Variants in OSMR observed in about 807,000 individuals in gnomAD.
OSMR encodes the protein oncostatin M receptor.
OSMR carries 81 observed loss-of-function variants against 99.9 expected under a neutral mutation model. That is an observed-to-expected ratio of 0.81 (90% CI 0.68 to 0.97). The LOEUF is 0.97. Ranked by LOEUF, OSMR falls within the 50% of genes least tolerant of loss-of-function variation. The probability of loss-of-function intolerance (pLI) is 0.00; values close to 1 mark genes in which losing one functional copy is unlikely to be tolerated. For synonymous variants in OSMR, 406 were observed against 410.4 expected (o/e 0.99, Z 0.13); for missense variants, 1,099 against 1,153.4 (o/e 0.95, Z 0.68).
At chr5:38,878,358 G>A (rs1200865159) in intron 3 of OSMR, among the ~76,000 whole-genome samples, 2 of 152,060 alleles carry the variant, frequency 1.3e-5, no homozygotes, top group Non-Finnish European at 2.9e-5. Flanking sequence ...GGGGCTGGGG[G>A]GAAGCTTCTG....
At chr5:38,870,786 T>C (rs1742327392) in intron 2 of OSMR, among the ~76,000 whole-genome samples, 1 of 152,198 alleles carries the variant, frequency 6.6e-6, no homozygotes, top group Admixed American at 6.5e-5. Context: ...GTGCCTTATC[T>C]ACTGGTTAGT....
chr5:38,904,273 T>C (rs965596657), intron 8 of OSMR, 80 bp from the exon 9 acceptor site: 14 of 1,552,724 alleles, frequency 9.0e-6, no homozygotes, highest in Non-Finnish European at 1.1e-5. Context: ...CTGGTTTGCC[T>C]TTGTAATGGG....
At chr5:38,854,194 A>G (rs1160594120) in intron 1 of OSMR, among the ~76,000 whole-genome samples, 1 of 152,128 alleles carries the variant, frequency 6.6e-6, no homozygotes, top group Non-Finnish European at 1.5e-5. Context: ...TTAAAATGGC[A>G]TTTGCATAAG....
downstream of OSMR, chr5:38,940,134 A>C (rs542573598): frequency 2.5e-4 from 52 of 205,454 alleles, no homozygotes; most frequent in Middle Eastern, 5.7e-3. Context: ...TAACAGTAAA[A>C]AAAAAAAACA....
chr5:38,933,458 T>A lies in OSMR; in HGVS notation c.*14T>A. 6.2e-7 allele frequency: 1 copy of A among 1,613,942 alleles called. No individual in the cohort carries two copies. On this transcript the variant is annotated 3_prime_UTR_variant, in exon 18 of 18. Transcript: ENST00000274276. Reference sequence around the variant, plus strand: ...CACTACTGCTAACCAGCATGCCGATTTCATACCTTATGCTACACAGACATT... The same window carrying A: ...CACTACTGCTAACCAGCATGCCGATATCATACCTTATGCTACACAGACATT...
rs779669334 is a variant in OSMR, at chr5:38,924,431, A to G, written c.1880A>G (p.Asp627Gly). ...CAACTTCTTTTCCTAGCTCCTTCAG[A>G]CAACCCTCACGTGCTGGTGGATACA... ...TGYSQELAPS[D>G]NPHVLVDTLT... Residue 627 changes from aspartate to glycine, a missense_variant, in exon 14 of 18, where the codon GAC becomes GGC. Physicochemically the swap from Asp to Gly is moderately conservative, Grantham distance 94. Transcript: ENST00000274276. 1 of 1,614,126 alleles carries G rather than the reference A, an allele frequency of 6.2e-7. No individual in the cohort carries two copies.
At chr5:38,854,293 T>C (rs971916190) in intron 1 of OSMR, among the ~76,000 whole-genome samples, 2 of 152,212 alleles carry the variant, frequency 1.3e-5, no homozygotes, top group African/African-American at 2.4e-5. Flanking sequence ...CTGCTTCTCA[T>C]GGGCATTATT....
chr5:38,869,917 G>GT (rs1742250326), intron 2 of OSMR, among the ~76,000 whole-genome samples: 1 of 152,014 alleles, frequency 6.6e-6, no homozygotes, highest in Non-Finnish European at 1.5e-5. Context: ...GAGTACAGGT[G>GT]TTTGCTCCTA....
At chr5:38,854,975 C>T (rs369007288) in intron 1 of OSMR, among the ~76,000 whole-genome samples, 273 of 152,250 alleles carry the variant, frequency 1.8e-3, no homozygotes, top group Non-Finnish European at 3.0e-3. Flanking sequence ...GAGAGAAAGC[C>T]GGCCGGGTGG....
intron 1 of OSMR, among the ~76,000 whole-genome samples, chr5:38,851,164 C>T (rs184748281): frequency 1.3e-5 from 2 of 152,284 alleles, no homozygotes; most frequent in Non-Finnish European, 2.9e-5. Flanking sequence ...GAAATTGCCA[C>T]TTGCACAAGA....
chr5:38,880,343 T>C (rs1381435521), intron 3 of OSMR, among the ~76,000 whole-genome samples: 5 of 152,124 alleles, frequency 3.3e-5, no homozygotes, highest in Non-Finnish European at 7.3e-5. Flanking sequence ...GTAAGTGTCA[T>C]GTGTGTGTTG....
chr5:38,911,509 C>T lies in OSMR; in HGVS notation c.1286-6037C>T, dbSNP rs143638858. Among the ~76,000 whole-genome samples, 695 of 152,270 alleles carry T rather than the reference C, an allele frequency of 4.6e-3. 3 individuals are homozygous for T. Among genetic ancestry groups the T allele is most frequent in the Non-Finnish European group, 5.9e-3 (403 of 68,014 alleles). ...TTATAAAGAGCTGGTACCATTCCTA[C>T]GGAAACTATTCCAAAAAAACTGAGT... On this transcript the variant is annotated intron_variant, in intron 9 of 17. Coordinates refer to ENST00000274276, the MANE Select transcript of OSMR (RefSeq NM_003999.3).
At position 38,921,748 on chromosome 5, in the gene OSMR, G is replaced by A. The variant is rs1746245415; in HGVS notation, c.1719G>A (p.Gln573=). 6.2e-7 allele frequency: 1 copy of A among 1,614,164 alleles called. No individual in the cohort carries two copies. Among genetic ancestry groups the A allele is most frequent in the African/African-American group, 1.3e-5 (1 of 75,036 alleles). Residue 573 remains glutamine (Q), a synonymous_variant, in exon 12 of 18, where the codon CAG becomes CAA. Coordinates refer to ENST00000274276, the MANE Select transcript of OSMR (RefSeq NM_003999.3). Reference sequence around the variant, plus strand: ...CCCAGGATGTGCTCGGTGATTTCCAGTGGAAGAATGTAGGTCCCAATACCA... The same window carrying A: ...CCCAGGATGTGCTCGGTGATTTCCAATGGAAGAATGTAGGTCCCAATACCA... ...DHTQDVLGDF[Q]WKNVGPNTTS...
At chr5:38,940,512 T>C (rs1747445344), downstream of OSMR, 1 of 232,692 alleles carries the variant, frequency 4.3e-6, no homozygotes, top group African/African-American at 2.2e-5. Context: ...AGAAGTACTG[T>C]TGACATTTAA....
At position 38,886,411 on chromosome 5, in the gene OSMR, C is replaced by T. The variant is rs367942212; in HGVS notation, c.991+221C>T. 2.8e-5 allele frequency: 36 copies of T among 1,292,148 alleles called. No individual in the cohort carries two copies. The African/African-American group carries it at 4.1e-4, about 15-fold the overall frequency. The allele number at this position is 1,292,148 out of a possible 1,614,324, so 80.0% of individuals were successfully genotyped here. Reference sequence around the variant, plus strand: ...GTCACGAGCACCAATGAGCTTACTACCCAACTTCAAAACTAGGACTCTAAC... The same window carrying T: ...GTCACGAGCACCAATGAGCTTACTATCCAACTTCAAAACTAGGACTCTAAC... On this transcript the variant is annotated intron_variant, in intron 7 of 17. Coordinates refer to ENST00000274276, the MANE Select transcript of OSMR (RefSeq NM_003999.3).
intron 1 of OSMR, among the ~76,000 whole-genome samples, chr5:38,943,768 G>A (rs1321903268): frequency 9.2e-5 from 14 of 152,176 alleles, no homozygotes; most frequent in East Asian, 3.9e-4. Flanking sequence ...AGCCGAGATT[G>A]CACCACTGCA....
intron 2 of OSMR, among the ~76,000 whole-genome samples, chr5:38,872,215 C>T (rs2112271971): frequency 6.6e-6 from 1 of 152,306 alleles, no homozygotes; most frequent in East Asian, 1.9e-4. Context: ...TCCTAGATTG[C>T]TTTTAACCAG....
intron 9 of OSMR, among the ~76,000 whole-genome samples, chr5:38,916,717 A>G (rs541082352): frequency 4.3e-4 from 65 of 152,300 alleles, no homozygotes; most frequent in African/African-American, 1.5e-3. Flanking sequence ...CAATCCATCT[A>G]CAAAGATTTC....
intron 3 of OSMR, 34 bp downstream of exon 3, chr5:38,876,407 T>C: frequency 6.3e-7 from 1 of 1,582,024 alleles, no homozygotes; most frequent in Non-Finnish European, 8.7e-7. Flanking sequence ...ATTTAAAAAA[T>C]CATCTTTAAA....
Sources: gnomAD v4.1 joint callset for allele counts (sites outside exome capture counted in the v4.1 genomes callset) on GRCh38, gnomAD v4.1.1 for gene constraint, MANE v1.5 for transcripts, NCBI Gene and HGNC (gene_info 2026-07-23, HGNC 2026-07-21) for gene names.